Variants in SYNRG observed in about 807,000 individuals in gnomAD.
SYNRG encodes the protein AP1 gamma subunit binding protein 1.
SYNRG carries 37 observed loss-of-function variants against 130.9 expected under a neutral mutation model. The observed-to-expected ratio is 0.28, with a 90% confidence interval of 0.22 to 0.37. The LOEUF (loss-of-function observed/expected upper bound fraction) is 0.37, where lower values mean the gene tolerates loss of function less well. Ranked by LOEUF, SYNRG falls within the 10% of genes least tolerant of loss-of-function variation. The pLI is 1.00. For missense variants in SYNRG, 1,338 were observed against 1,588.9 expected (o/e 0.84, Z 2.68); for synonymous variants, 539 against 568.1 (o/e 0.95, Z 0.73).
At chr17:37,601,837 G>T (rs1210962182) in intron 1 of SYNRG, among the ~76,000 whole-genome samples, 1 of 151,756 alleles carries the variant, frequency 6.6e-6, no homozygotes, top group East Asian at 2.0e-4. Context: ...GCTAATTATT[G>T]TATTTTCAGT....
intron 10 of SYNRG, 31 bp from the exon 11 acceptor site, chr17:37,568,955 G>C (rs1463098792): frequency 6.3e-7 from 1 of 1,582,752 alleles, no homozygotes; most frequent in Non-Finnish European, 8.6e-7. Context: ...TAAATAAATA[G>C]CACTGACTGA....
At chr17:37,564,394 A>T (rs1424563814) in intron 11 of SYNRG, among the ~76,000 whole-genome samples, 1 of 152,214 alleles carries the variant, frequency 6.6e-6, no homozygotes, top group Non-Finnish European at 1.5e-5. Flanking sequence ...CTAAACCCTG[A>T]GTAATTCTCA....
chr17:37,580,477 T>TTGTGTGTG (rs2061212483), intron 6 of SYNRG, among the ~76,000 whole-genome samples: 2 of 83,804 alleles, frequency 2.4e-5, no homozygotes, highest in Non-Finnish European at 2.2e-5. Flanking sequence ...TCTTTGTATT[T>TTGTGTGTG]CGTGTGTGTG....
At chr17:37,526,561 G>T (rs574955358) in intron 19 of SYNRG, among the ~76,000 whole-genome samples, 6 of 152,310 alleles carry the variant, frequency 3.9e-5, no homozygotes, top group African/African-American at 1.4e-4. Context: ...GTGGATTTCA[G>T]AAGTCTAAAA....
chr17:37,582,584 G>A (rs1439360795), intron 6 of SYNRG, among the ~76,000 whole-genome samples: 1 of 152,212 alleles, frequency 6.6e-6, no homozygotes, highest in Non-Finnish European at 1.5e-5. Context: ...TGATGGGCCA[G>A]GCACAGTTGC....
At chr17:37,533,577 C>CTTTTCT in intron 19 of SYNRG, among the ~76,000 whole-genome samples, 1 of 148,158 alleles carries the variant, frequency 6.7e-6, no homozygotes, top group Admixed American at 6.7e-5. Flanking sequence ...TATTTTCTTT[C>CTTTTCT]TTTTCTTTTT....
At chr17:37,589,971 G>C (rs779087595) in intron 3 of SYNRG, among the ~76,000 whole-genome samples, 12 of 151,960 alleles carry the variant, frequency 7.9e-5, no homozygotes, top group Non-Finnish European at 1.5e-4. Flanking sequence ...AGGAGTTCCA[G>C]ATCAGCCTGG....
chr17:37,573,418 C>CA (rs945354925), intron 8 of SYNRG, among the ~76,000 whole-genome samples: 5 of 151,534 alleles, frequency 3.3e-5, no homozygotes, highest in South Asian at 2.1e-4. Flanking sequence ...AACAAACAAA[C>CA]AAAAAAAACC....
intron 11 of SYNRG, among the ~76,000 whole-genome samples, chr17:37,562,825 G>A (rs370308238): frequency 2.8e-4 from 42 of 151,940 alleles, no homozygotes; most frequent in African/African-American, 9.4e-4. Context: ...TGGGAATAAA[G>A]GAAATTAACA....
chr17:37,541,833 T>C, intron 15 of SYNRG, 139 bp downstream of exon 15: 2 of 805,430 alleles, frequency 2.5e-6, no homozygotes, highest in South Asian at 1.8e-5. Context: ...ATTATAGCTA[T>C]CTGTAATTGA....
At position 37,545,231 on chromosome 17, in the gene SYNRG, AT is replaced by A. The variant is rs200900500; in HGVS notation, c.2609-2667del. Among the ~76,000 whole-genome samples the A allele has an allele frequency of 2.7e-3, 408 of 150,276 alleles. 1 individual carries two copies. Among genetic ancestry groups the A allele is most frequent in the African/African-American group, 9.3e-3 (381 of 40,846 alleles). On this transcript the variant is annotated intron_variant, in intron 14 of 21. Coordinates refer to ENST00000612223, the MANE Select transcript of SYNRG (RefSeq NM_007247.6). Reference sequence around the variant, plus strand: ...CGAAACTCCGTCTCAAAAAAAAAAAATAATAATAATAATAATTAGCTGGGCG... The same window carrying A: ...CGAAACTCCGTCTCAAAAAAAAAAAAAATAATAATAATAATTAGCTGGGCG...
chr17:37,533,932 T>C (rs1218204719), intron 19 of SYNRG, among the ~76,000 whole-genome samples: 3 of 116,112 alleles, frequency 2.6e-5, no homozygotes, highest in Non-Finnish European at 3.6e-5. Flanking sequence ...TTTTCTTTTT[T>C]TTTTTTTTTT....
intron 21 of SYNRG, 51 bp downstream of exon 21, chr17:37,520,128 A>G (rs770171647): frequency 1.0e-5 from 16 of 1,605,106 alleles, no homozygotes; most frequent in East Asian, 2.2e-5. Context: ...TTTGCCCTCC[A>G]CACTCAAAAT....
At chr17:37,547,959 G>A (rs1006051363) in intron 14 of SYNRG, among the ~76,000 whole-genome samples, 2 of 152,128 alleles carry the variant, frequency 1.3e-5, no homozygotes, top group South Asian at 2.1e-4. Context: ...AGTCTTTTTC[G>A]CAAAAGAAGT....
chr17:37,564,406 C>A (rs1248196792), intron 11 of SYNRG, among the ~76,000 whole-genome samples: 2 of 152,202 alleles, frequency 1.3e-5, no homozygotes, highest in East Asian at 3.8e-4. Flanking sequence ...TAATTCTCAT[C>A]ATCTCACAGC....
chr17:37,552,981 T>C, intron 14 of SYNRG, 134 bp downstream of exon 14: 1 of 755,892 alleles, frequency 1.3e-6, no homozygotes, highest in Non-Finnish European at 2.1e-6. Flanking sequence ...TTAAGGAGAC[T>C]GGCAATAAAG....
At chr17:37,561,306 C>T (rs765238664) in intron 12 of SYNRG, 49 bp from the exon 13 acceptor site, 2 of 1,590,410 alleles carry the variant, frequency 1.3e-6, no homozygotes, top group Non-Finnish European at 8.6e-7. Flanking sequence ...ATCTTGAAAT[C>T]ACAGCTCCAG....
intron 3 of SYNRG, among the ~76,000 whole-genome samples, chr17:37,594,717 C>G (rs1226270124): frequency 2.0e-5 from 3 of 152,188 alleles, no homozygotes; most frequent in Non-Finnish European, 4.4e-5. Context: ...ACCTCAGCCT[C>G]CCAAAGTGCT....
rs1293677692 is a variant in SYNRG at position 37,535,875 on chromosome 17, G to A, written c.3666+104C>T. On this transcript the variant is annotated intron_variant, in intron 19 of 21. Transcript: ENST00000612223. ...CCTTTAATATAACATGCTCCAGTTG[G>A]CACCTCCAGCCTCTAATAAGTACCA... The A allele has an allele frequency of 4.1e-6, 6 of 1,473,122 alleles. No individual in the cohort carries two copies. The East Asian group carries it at 1.4e-4, about 33-fold the overall frequency. The allele number at this position is 1,473,122 out of a possible 1,614,324, so 91.3% of individuals were successfully genotyped here.
Sources: allele counts gnomAD v4.1 joint callset (sites outside exome capture counted in the v4.1 genomes callset), GRCh38; gene constraint gnomAD v4.1.1; transcripts MANE v1.5; gene names NCBI Gene and HGNC (gene_info 2026-07-23, HGNC 2026-07-21).